ACTR10: variants seen among roughly 807,000 people sequenced by gnomAD.
ACTR10 encodes the protein actin related protein 10.
Under a neutral mutation model 56.2 loss-of-function variants are expected in ACTR10, and 43 were observed. The observed-to-expected ratio is 0.77, with a 90% CI of 0.60 to 0.99. The LOEUF is 0.99. Ranked by LOEUF, ACTR10 falls within the 50% of genes least tolerant of loss-of-function variation. ACTR10 has a pLI of 0.00. For missense variants in ACTR10, 466 were observed against 507.8 expected, an observed-to-expected ratio of 0.92 and a Z score of 0.79; for synonymous variants, 170 against 176.3, an observed-to-expected ratio of 0.96 and a Z score of 0.28.
intron 2 of ACTR10, among the ~76,000 whole-genome samples, chr14:58,204,292 G>A (rs1372448414): frequency 6.6e-6 from 1 of 152,106 alleles, no homozygotes; most frequent in Non-Finnish European, 1.5e-5. Flanking sequence ...GCTGAGGCAG[G>A]AGAATGGCGT....
chr14:58,205,413 C>G (rs957838927), intron 2 of ACTR10, among the ~76,000 whole-genome samples: 1 of 147,878 alleles, frequency 6.8e-6, no homozygotes, highest in Non-Finnish European at 1.5e-5. Flanking sequence ...CTCCCGGGTT[C>G]ATGCCATTCT....
rs139845752 is a variant in ACTR10, at chr14:58,233,654, C to T, written c.1073-716C>T. ...ATTTTCAACTGCTTGGGGGTCCACA[C>T]CCCTAATCCCTGCATTGTTCAAGGA... On this transcript the variant is annotated intron_variant, in intron 12 of 12. Transcript: ENST00000254286. 4.1e-3 allele frequency among the ~76,000 whole-genome samples: 618 copies of T among 152,284 alleles called. 5 individuals carry two copies. Among genetic ancestry groups the T allele is most frequent in the Non-Finnish European group, 6.4e-3 (432 of 68,016 alleles).
At chr14:58,200,342 T>A in intron 1 of ACTR10, 48 bp downstream of exon 1, 1 of 1,437,388 alleles carries the variant, frequency 7.0e-7, no homozygotes. Context: ...GGAGGGCGGG[T>A]GGCAGAGCCC....
chr14:58,201,783 A>G (rs997474796), intron 1 of ACTR10, among the ~76,000 whole-genome samples: 4 of 152,180 alleles, frequency 2.6e-5, no homozygotes, highest in Non-Finnish European at 4.4e-5. Flanking sequence ...AGGCGGGCTG[A>G]CCACTTGAGC....
intron 2 of ACTR10, among the ~76,000 whole-genome samples, chr14:58,205,450 G>A (rs1888835092): frequency 6.6e-6 from 1 of 151,130 alleles, no homozygotes; most frequent in Non-Finnish European, 1.5e-5. Flanking sequence ...GAGTAGCTGG[G>A]ACTACAGTTG....
At chr14:58,206,283 C>T (rs565285926) in intron 2 of ACTR10, among the ~76,000 whole-genome samples, 90 of 151,662 alleles carry the variant, frequency 5.9e-4, no homozygotes, top group African/African-American at 2.2e-3. Flanking sequence ...TCAAGCCATT[C>T]TCCTCTCTCA....
intron 7 of ACTR10, among the ~76,000 whole-genome samples, chr14:58,218,953 G>A (rs1889199887): frequency 6.6e-6 from 1 of 152,096 alleles, no homozygotes; most frequent in African/African-American, 2.4e-5. Flanking sequence ...CTCCTGAGTA[G>A]CTGGGATTAC....
Position 58,234,549 on chromosome 14 carries a change from T to G in ACTR10, c.1252T>G (p.Ter418GluextTer4). 6.2e-7 allele frequency: 1 copy of G among 1,601,586 alleles called. No homozygotes were observed. The highest frequency in any genetic ancestry group is 8.5e-7 in the Non-Finnish European group (1 of 1,174,010). ...GAAGAGAGCATTTTCCACTGAGAAA[T>G]AGAAGTTTGATTAAAAATCAACCTT... ...LMKRAFSTEK[*>E] The change falls in exon 13 of 13, where the codon TAG (stop) becomes GAG (glutamate). Residue 418 changes from the stop codon to glutamate, a stop_lost. Coordinates refer to ENST00000254286, the MANE Select transcript of ACTR10 (RefSeq NM_018477.3).
chr14:58,215,012 A>G (rs559662685), intron 6 of ACTR10, among the ~76,000 whole-genome samples, 193 bp from the exon 7 acceptor site: 1 of 151,980 alleles, frequency 6.6e-6, no homozygotes, highest in South Asian at 2.1e-4. Context: ...AGGCTGAGGC[A>G]GGAGAATCAC....
At chr14:58,205,483 T>G (rs1318398977) in intron 2 of ACTR10, among the ~76,000 whole-genome samples, 1 of 151,390 alleles carries the variant, frequency 6.6e-6, no homozygotes, top group African/African-American at 2.4e-5. Flanking sequence ...CCCAGCTAAT[T>G]TTTTGTATTT....
rs570478161 is a variant in ACTR10 at position 58,225,769 on chromosome 14, C to G, written c.788+1913C>G. On this transcript the variant is annotated intron_variant, in intron 10 of 12. Transcript: ENST00000254286. The stretch of plus-strand genomic sequence containing the variant: ...CTCTTTTCCCCCAGGCTGGAGTGCA[C>G]TGGCGCGGTCTCGGCTCACTGCAGC... 4.2e-4 allele frequency among the ~76,000 whole-genome samples: 63 copies of G among 151,106 alleles called. No homozygotes were observed. The South Asian group carries it at 0.013, about 31-fold the overall frequency.
Position 58,223,773 on chromosome 14 carries a change from T to A in ACTR10, c.715-10T>A. ...TGTGTGGACTTATGTTTATGATATTTATATTTCAGCGTCCCTCCCCACCCC... is the reference window on the plus strand; with the variant it reads ...TGTGTGGACTTATGTTTATGATATTAATATTTCAGCGTCCCTCCCCACCCC... On this transcript the variant is annotated splice_polypyrimidine_tract_variant and intron_variant, in intron 9 of 12. Transcript: ENST00000254286. 6.2e-7 allele frequency: 1 copy of A among 1,611,908 alleles called. No homozygotes were observed.
rs530296976 is a variant in ACTR10 at position 58,232,459 on chromosome 14, C to G, written c.1072+192C>G. Reference sequence around the variant, plus strand: ...GACGGAGTCTCACTCTGTCGCCAGGCTGGAGTGCAGTGGTGGTGCGATCTC... The same window carrying G: ...GACGGAGTCTCACTCTGTCGCCAGGGTGGAGTGCAGTGGTGGTGCGATCTC... On this transcript the variant is annotated intron_variant, in intron 12 of 12. Transcript: ENST00000254286. Among the ~76,000 whole-genome samples, 16 of 117,996 alleles carry G rather than the reference C, an allele frequency of 1.4e-4. No individual in the cohort carries two copies. The South Asian group carries it at 4.5e-3, about 33-fold the overall frequency. 77.4% of individuals were successfully genotyped at this position (117,996 alleles called of 152,430 possible).
At position 58,217,430 on chromosome 14, in the gene ACTR10, C is replaced by T. The variant is rs138650125; in HGVS notation, c.598+2146C>T. ...CGCCTGTAATCCCAGCACTTTGGGA[C>T]GCCAAGGTGAGTGGGTCACTTGAGG... On this transcript the variant is annotated intron_variant, in intron 7 of 12. Transcript: ENST00000254286. Among the ~76,000 whole-genome samples, 41 of 151,936 alleles carry T rather than the reference C, an allele frequency of 2.7e-4. No individual in the cohort carries two copies. In the East Asian group the frequency reaches 7.6e-3, roughly 28 times the overall value.
intron 10 of ACTR10, among the ~76,000 whole-genome samples, chr14:58,227,421 T>C (rs868229302): frequency 1.2e-4 from 18 of 152,256 alleles, no homozygotes; most frequent in African/African-American, 4.3e-4. Context: ...TACAGTTGTC[T>C]CACCTGTTAC....
intron 11 of ACTR10, chr14:58,230,964 G>T: frequency 5.1e-6 from 1 of 195,384 alleles, no homozygotes; most frequent in South Asian, 6.3e-5. Flanking sequence ...TCGCCATGTT[G>T]GCCAGGCTGG....
chr14:58,204,909 C>T (rs1157511655), intron 2 of ACTR10, among the ~76,000 whole-genome samples: 1 of 152,064 alleles, frequency 6.6e-6, no homozygotes, highest in Non-Finnish European at 1.5e-5. Context: ...TTTTAGCAAT[C>T]GCATATAAGC....
chr14:58,219,534 T>A (rs958036500), intron 7 of ACTR10, 160 bp from the exon 8 acceptor site: 3 of 469,772 alleles, frequency 6.4e-6, no homozygotes, highest in Non-Finnish European at 1.1e-5. Context: ...ATTTCTTCCC[T>A]AAAACAAAAT....
At chr14:58,208,927 G>C (rs993582083) in intron 3 of ACTR10, 72 bp from the exon 4 acceptor site, 1 of 981,086 alleles carries the variant, frequency 1.0e-6, no homozygotes, top group Non-Finnish European at 1.6e-6. Flanking sequence ...CAGTTTCACT[G>C]TTCTTAAATT....
Sources: allele counts gnomAD v4.1 joint callset (sites outside exome capture counted in the v4.1 genomes callset), GRCh38; gene constraint gnomAD v4.1.1; transcripts MANE v1.5; gene names NCBI Gene and HGNC (gene_info 2026-07-23, HGNC 2026-07-21).